Variants in PSD3 observed in about 807,000 individuals in gnomAD.
PSD3 encodes the protein pleckstrin and Sec7 domain containing 3.
In PSD3, 49 loss-of-function variants were observed where a neutral mutation model predicts 105.5. That is an observed-to-expected ratio of 0.46 (90% CI 0.37 to 0.59). The LOEUF (loss-of-function observed/expected upper bound fraction) is 0.59. PSD3 is among the 20% of genes least tolerant of loss of function. The pLI is 0.00. For missense variants in PSD3, 1,561 were observed against 1,263.8 expected, an observed-to-expected ratio of 1.24 and a Z score of -3.57; for synonymous variants, 557 against 457.8, an observed-to-expected ratio of 1.22 and a Z score of -2.77.
At chr8:18,781,378 C>T (rs1005851403) in intron 8 of PSD3, among the ~76,000 whole-genome samples, 1 of 152,146 alleles carries the variant, frequency 6.6e-6, no homozygotes, top group Non-Finnish European at 1.5e-5. Context: ...AGGGATCCAC[C>T]ATCTTTGTCT....
chr8:18,561,423 T>G (rs148329146), intron 14 of PSD3, among the ~76,000 whole-genome samples: 1 of 152,058 alleles, frequency 6.6e-6, no homozygotes, highest in African/African-American at 2.4e-5. Context: ...TCTAAAACAA[T>G]TGAACTCATA....
intron 1 of PSD3, among the ~76,000 whole-genome samples, chr8:19,012,259 A>G (rs1402359671): frequency 1.3e-5 from 2 of 152,246 alleles, no homozygotes. Context: ...AAGGACATCC[A>G]GCCAGCCACT....
intron 4 of PSD3, among the ~76,000 whole-genome samples, chr8:18,839,011 G>A (rs1442246940): frequency 2.6e-5 from 4 of 151,640 alleles, no homozygotes; most frequent in African/African-American, 9.7e-5. Context: ...CAAATGGGAT[G>A]ACAGACAACT....
chr8:18,869,584 G>A (rs757658290), intron 3 of PSD3, among the ~76,000 whole-genome samples: 30 of 152,298 alleles, frequency 2.0e-4, no homozygotes, highest in Non-Finnish European at 4.0e-4. Context: ...TAGTCAGGGA[G>A]CTCAGCAGCC....
rs1229575132 is a variant in PSD3, at chr8:18,871,681, G to C, written c.1183C>G (p.Gln395Glu). The C allele has an allele frequency of 1.2e-6, 2 of 1,613,778 alleles. No homozygotes were observed. Among genetic ancestry groups the C allele is most frequent in the Non-Finnish European group, 1.7e-6 (2 of 1,179,856 alleles). The stretch of plus-strand genomic sequence containing the variant: ...TTCTCAAGATGCTGTTTGTTTTCCT[G>C]TAGGAAGACTTCATCCTCTCCACTC... ...DESGEDEVFL[Q>E]ENKQHLEKTP... The change falls in exon 3 of 16, where the codon CAG (glutamine) becomes GAG (glutamate). Residue 395 changes from glutamine (Q) to glutamate (E), a missense_variant. Transcript: ENST00000327040.
At chr8:19,044,645 G>T (rs772424562) in intron 1 of PSD3, among the ~76,000 whole-genome samples, 7 of 152,130 alleles carry the variant, frequency 4.6e-5, no homozygotes, top group Non-Finnish European at 1.0e-4. Flanking sequence ...CCAGGTAATT[G>T]TTTCTAGGAG....
chr8:18,905,066 T>G (rs920749539), intron 2 of PSD3, among the ~76,000 whole-genome samples: 2 of 152,168 alleles, frequency 1.3e-5, no homozygotes, highest in African/African-American at 4.8e-5. Flanking sequence ...CTTTGCAAAT[T>G]AAAAAACTGA....
chr8:18,528,637 G>A lies in PSD3; in HGVS notation c.*7106C>T, dbSNP rs182267279. The A allele has an allele frequency of 6.6e-6, 1 of 152,592 alleles. No homozygotes were observed. The highest frequency in any genetic ancestry group is 1.9e-4 in the East Asian group (1 of 5,178). The allele number at this position is 152,592 out of a possible 1,614,324, so 9.5% of individuals were successfully genotyped here. A position where few individuals can be genotyped will look rare whatever the true frequency, so the allele number is the denominator to read the frequency against. ...TGATGTGTTATCACCACTCTCTGCA[G>A]GGCTCTGGTGTTCAGGACTCAGAGC... On this transcript the variant is annotated 3_prime_UTR_variant, in exon 16 of 16. Transcript: ENST00000327040.
intron 4 of PSD3, among the ~76,000 whole-genome samples, chr8:18,827,355 C>T (rs766527195): frequency 4.6e-5 from 7 of 152,116 alleles, no homozygotes; most frequent in Non-Finnish European, 7.3e-5. Context: ...AAGACAGAGA[C>T]GTGTAAGACT....
intron 1 of PSD3, among the ~76,000 whole-genome samples, chr8:19,049,918 T>C (rs1279256240): frequency 6.6e-6 from 1 of 152,082 alleles, no homozygotes; most frequent in East Asian, 1.9e-4. Context: ...AACCCATTAA[T>C]AAAAACCAAT....
At chr8:18,997,033 T>C (rs148206869) in intron 1 of PSD3, among the ~76,000 whole-genome samples, 2,281 of 152,046 alleles carry the variant, frequency 0.015, 95 homozygotes, top group African/African-American at 0.051. Flanking sequence ...TTCTCCTTTA[T>C]TGGTGCCTTC....
At chr8:18,707,180 C>T (rs144651417) in intron 9 of PSD3, among the ~76,000 whole-genome samples, 283 of 152,190 alleles carry the variant, frequency 1.9e-3, no homozygotes, top group African/African-American at 6.6e-3. Flanking sequence ...CAAATCCTAC[C>T]CATCCTTCAA....
chr8:18,638,847 G>A (rs1452664713), intron 10 of PSD3, among the ~76,000 whole-genome samples: 2 of 152,130 alleles, frequency 1.3e-5, no homozygotes, highest in Non-Finnish European at 2.9e-5. Flanking sequence ...TAAAGTTACT[G>A]TAATCAAAAC....
chr8:18,585,922 T>A (rs1192968935), intron 12 of PSD3, among the ~76,000 whole-genome samples: 1 of 152,124 alleles, frequency 6.6e-6, no homozygotes, highest in African/African-American at 2.4e-5. Context: ...AGTATGACTC[T>A]TCGTAACTCT....
intron 14 of PSD3, among the ~76,000 whole-genome samples, chr8:18,565,353 C>T (rs73211711): frequency 0.098 from 14,944 of 152,142 alleles, 765 homozygotes; most frequent in South Asian, 0.21. Flanking sequence ...CAAGTCTTTC[C>T]ACCCCCAATA....
intron 4 of PSD3, among the ~76,000 whole-genome samples, chr8:18,847,090 T>G (rs189025391): frequency 2.5e-4 from 38 of 152,252 alleles, no homozygotes; most frequent in African/African-American, 8.4e-4. Flanking sequence ...GCCTTTCACC[T>G]CTTACATGCT....
intron 8 of PSD3, among the ~76,000 whole-genome samples, chr8:18,767,487 C>G (rs896713580): frequency 6.6e-6 from 1 of 152,170 alleles, no homozygotes; most frequent in Non-Finnish European, 1.5e-5. Context: ...GTGGCTCAAG[C>G]CTGTAATCCC....
At chr8:18,809,518 C>T (rs1274776729) in intron 4 of PSD3, among the ~76,000 whole-genome samples, 1 of 152,146 alleles carries the variant, frequency 6.6e-6, no homozygotes, top group Non-Finnish European at 1.5e-5. Context: ...ATTTGAATTT[C>T]ACATCAAAAA....
chr8:18,789,366 A>C (rs1207360383), intron 8 of PSD3, among the ~76,000 whole-genome samples: 1 of 152,224 alleles, frequency 6.6e-6, no homozygotes, highest in Admixed American at 6.5e-5. Flanking sequence ...AAATATAAAA[A>C]GACTAGCAAC....
Sources: gnomAD v4.1 joint callset for allele counts (sites outside exome capture counted in the v4.1 genomes callset) on GRCh38, gnomAD v4.1.1 for gene constraint, MANE v1.5 for transcripts, NCBI Gene and HGNC (gene_info 2026-07-23, HGNC 2026-07-21) for gene names.